Variants in HNF1B observed in about 807,000 individuals in gnomAD.
HNF1B encodes the protein HNF1 homeobox B.
Under a neutral mutation model 61.7 loss-of-function variants are expected in HNF1B, and 8 were observed. The observed-to-expected ratio is 0.13, with a 90% CI of 0.08 to 0.23. The LOEUF (loss-of-function observed/expected upper bound fraction) is 0.23, where lower values mean the gene tolerates loss of function less well. Ranked by LOEUF, HNF1B falls within the 10% of genes least tolerant of loss-of-function variation. The probability of loss-of-function intolerance (pLI) is 1.00; values close to 1 mark genes in which losing one functional copy is unlikely to be tolerated. For missense variants in HNF1B, 562 were observed against 714.5 expected, an observed-to-expected ratio of 0.79 and a Z score of 2.43; for synonymous variants, 314 against 287.7, an observed-to-expected ratio of 1.09 and a Z score of -0.93.
chr17:37,720,109 C>T (rs1435020535), intron 4 of HNF1B, among the ~76,000 whole-genome samples: 1 of 152,174 alleles, frequency 6.6e-6, no homozygotes, highest in Non-Finnish European at 1.5e-5. Context: ...CAGGGAGCAC[C>T]ACCAGAGACC....
At chr17:37,743,684 G>A (rs2034072516) in intron 1 of HNF1B, among the ~76,000 whole-genome samples, 2 of 152,346 alleles carry the variant, frequency 1.3e-5, no homozygotes. Context: ...TTAGTAACCA[G>A]CTGTCAAAGT....
chr17:37,738,668 C>T (rs1206959937), intron 2 of HNF1B, among the ~76,000 whole-genome samples: 1 of 152,218 alleles, frequency 6.6e-6, no homozygotes, highest in East Asian at 1.9e-4. Context: ...GTTCAAACTT[C>T]TCTAGACGTA....
At chr17:37,704,784 TA>T in intron 6 of HNF1B, 132 bp downstream of exon 6, 2 of 1,005,558 alleles carry the variant, frequency 2.0e-6, no homozygotes, top group African/African-American at 1.6e-5. Context: ...GATGAGAAAC[TA>T]AAGAAGTTAA....
At chr17:37,687,710 G>A (rs950931080) in intron 8 of HNF1B, among the ~76,000 whole-genome samples, 1 of 152,154 alleles carries the variant, frequency 6.6e-6, no homozygotes, top group Non-Finnish European at 1.5e-5. Flanking sequence ...TTTATAGAGT[G>A]CTTAGTGTAC....
chr17:37,723,938 C>G (rs1175761064), intron 4 of HNF1B, among the ~76,000 whole-genome samples: 1 of 152,214 alleles, frequency 6.6e-6, no homozygotes, highest in South Asian at 2.1e-4. Context: ...CAAGGTCACA[C>G]AGCAGTAAGT....
At chr17:37,701,512 G>C (rs1015035714) in intron 6 of HNF1B, among the ~76,000 whole-genome samples, 1 of 152,224 alleles carries the variant, frequency 6.6e-6, no homozygotes, top group African/African-American at 2.4e-5. Context: ...CTCCATCCAT[G>C]CCAGGCTGTG....
chr17:37,703,062 C>T (rs1431531125), intron 6 of HNF1B, among the ~76,000 whole-genome samples: 1 of 152,200 alleles, frequency 6.6e-6, no homozygotes, highest in Non-Finnish European at 1.5e-5. Context: ...ACCACCTTCT[C>T]CACAGGCTTC....
Position 37,745,044 on chromosome 17 carries a change from G to T in HNF1B, c.-160C>A. The T allele has an allele frequency of 1.6e-6, 1 of 643,440 alleles. No homozygotes were observed. Among genetic ancestry groups the T allele is most frequent in the Non-Finnish European group, 2.7e-6 (1 of 368,680 alleles). 39.9% of individuals were successfully genotyped at this position (643,440 alleles called of 1,614,324 possible). On this transcript the variant is annotated 5_prime_UTR_variant, in exon 1 of 9. Coordinates refer to ENST00000617811, the MANE Select transcript of HNF1B (RefSeq NM_000458.4). The stretch of plus-strand genomic sequence containing the variant: ...GGGGTCCCGGAGGCTCCTCCGAAAG[G>T]AGTCAGAAAACTTCTAACTTGCCAT...
chr17:37,731,067 C>G (rs111948733), intron 4 of HNF1B: 3,200 of 194,504 alleles, frequency 0.016, 134 homozygotes, highest in African/African-American at 0.071. Flanking sequence ...CCCCACCAAC[C>G]CTGATGACAC....
intron 8 of HNF1B, among the ~76,000 whole-genome samples, chr17:37,688,847 C>CT (rs2032083649): frequency 6.6e-6 from 1 of 152,158 alleles, no homozygotes; most frequent in Admixed American, 6.5e-5. Context: ...CCTCAGTACT[C>CT]TTAAGAGTGG....
intron 4 of HNF1B, chr17:37,729,333 T>C (rs1017875034): frequency 4.8e-5 from 7 of 147,284 alleles, no homozygotes; most frequent in African/African-American, 1.8e-4. Flanking sequence ...TTTGGGAGGC[T>C]AAGACAGGAG....
intron 8 of HNF1B, among the ~76,000 whole-genome samples, chr17:37,697,266 G>T (rs1431047473): frequency 2.0e-5 from 3 of 152,172 alleles, no homozygotes; most frequent in Non-Finnish European, 4.4e-5. Flanking sequence ...CATCCTTACT[G>T]AGTGTAATAA....
At chr17:37,699,639 G>A (rs1406992523) in intron 7 of HNF1B, among the ~76,000 whole-genome samples, 3 of 152,180 alleles carry the variant, frequency 2.0e-5, no homozygotes, top group African/African-American at 7.2e-5. Context: ...CCCAGGCCTC[G>A]CCACTGAGGA....
intron 4 of HNF1B, among the ~76,000 whole-genome samples, chr17:37,711,549 C>A (rs955453564): frequency 1.3e-5 from 2 of 152,160 alleles, no homozygotes; most frequent in African/African-American, 4.8e-5. Flanking sequence ...AGAGATCAGG[C>A]AACTGAAGGA....
intron 1 of HNF1B, among the ~76,000 whole-genome samples, chr17:37,744,282 G>T (rs900901894): frequency 1.3e-5 from 2 of 152,252 alleles, no homozygotes; most frequent in Non-Finnish European, 2.9e-5. Flanking sequence ...CCCCGGCCCA[G>T]CCCCAGCCCC....
chr17:37,731,462 T>C (rs1318057088), intron 4 of HNF1B, 133 bp downstream of exon 4: 3 of 761,750 alleles, frequency 3.9e-6, no homozygotes, highest in Non-Finnish European at 7.0e-6. Context: ...GAGTATATTC[T>C]GGCAATGAGA....
At chr17:37,739,408 G>A in intron 2 of HNF1B, 32 bp downstream of exon 2, 2 of 1,605,188 alleles carry the variant, frequency 1.2e-6, no homozygotes, top group Non-Finnish European at 1.7e-6. Context: ...GGTCACTTCA[G>A]GTTGAGGCAG....
At chr17:37,735,018 G>A (rs572848062) in intron 2 of HNF1B, among the ~76,000 whole-genome samples, 99 of 152,072 alleles carry the variant, frequency 6.5e-4, no homozygotes, top group Admixed American at 1.5e-3. Context: ...TCAAACTCCC[G>A]ACCTCAGGTG....
At position 37,687,212 on chromosome 17, in the gene HNF1B, T is replaced by C; in HGVS notation, c.*160A>G. ...GGCTTCGGGCTGCGCCTCCTGAGAG[T>C]GGATTGTCTGAGGTGCCAGCAGGAC... On this transcript the variant is annotated 3_prime_UTR_variant, in exon 9 of 9. Coordinates refer to ENST00000617811, the MANE Select transcript of HNF1B (RefSeq NM_000458.4). 8.7e-7 allele frequency: 1 copy of C among 1,154,860 alleles called. No individual in the cohort carries two copies. The highest frequency in any genetic ancestry group is 1.3e-6 in the Non-Finnish European group (1 of 787,998). 71.5% of individuals were successfully genotyped at this position (1,154,860 alleles called of 1,614,324 possible).
Sources: gnomAD v4.1 joint callset for allele counts (sites outside exome capture counted in the v4.1 genomes callset) on GRCh38, gnomAD v4.1.1 for gene constraint, MANE v1.5 for transcripts, NCBI Gene and HGNC (gene_info 2026-07-23, HGNC 2026-07-21) for gene names.